Variants in TTC27 observed in about 807,000 individuals in gnomAD.
TTC27 encodes tetratricopeptide repeat domain 27, also known as tetratricopeptide repeat protein 27.
Under a neutral mutation model 115.9 loss-of-function variants are expected in TTC27, and 79 were observed. The observed-to-expected ratio is 0.68, with a 90% confidence interval of 0.57 to 0.82. The LOEUF is 0.82. TTC27 is among the 40% of genes least tolerant of loss of function. The pLI, the probability that TTC27 is intolerant of heterozygous loss-of-function variation, is 0.00. For missense variants in TTC27, 1,054 were observed against 993.1 expected (o/e 1.06, Z -0.82); for synonymous variants, 401 against 356.0 (o/e 1.13, Z -1.42).
intron 10 of TTC27, among the ~76,000 whole-genome samples, chr2:32,730,572 C>T (rs1668259258): frequency 6.6e-6 from 1 of 151,042 alleles, no homozygotes; most frequent in African/African-American, 2.4e-5. Context: ...TACTTTGGAT[C>T]CAGTAGAGGA....
In TTC27 at chr2:32,758,349, T is replaced by C. The variant is rs761638540; in HGVS notation, c.1510T>C (p.Leu504=). The change falls in exon 13 of 20, where the codon TTG becomes CTG. Residue 504 remains leucine, a synonymous_variant. Coordinates refer to ENST00000317907, the MANE Select transcript of TTC27 (RefSeq NM_017735.5). ...AAAAGAAACGCCTAGTTTATACTGC[T>C]TGCTTGGAGATGTCCTCGGAGACCA... ...EKKETPSLYC[L]LGDVLGDHSC... The C allele has an allele frequency of 1.4e-5, 22 of 1,614,130 alleles. No homozygotes were observed. The highest frequency in any genetic ancestry group is 1.6e-4 in the Middle Eastern group (1 of 6,084).
intron 8 of TTC27, 137 bp from the exon 9 acceptor site, chr2:32,678,719 G>A: frequency 1.7e-6 from 1 of 598,852 alleles, no homozygotes; most frequent in Non-Finnish European, 2.8e-6. Flanking sequence ...GAGCCACTGT[G>A]CCCGGCCCCC....
chr2:32,758,244 T>C (rs371405726), intron 12 of TTC27, 48 bp from the exon 13 acceptor site: 14 of 1,486,710 alleles, frequency 9.4e-6, no homozygotes, highest in Non-Finnish European at 1.3e-5. Context: ...AAAAAAAAAA[T>C]AGCAGTTAAT....
Position 32,701,376 on chromosome 2 carries a change from G to T in TTC27, c.1120-1431G>T, listed in dbSNP as rs139994715. Among the ~76,000 whole-genome samples, 1,402 of 152,236 alleles carry T rather than the reference G, an allele frequency of 9.2e-3. 9 individuals carry two copies. Among genetic ancestry groups the T allele is most frequent in the Admixed American group, 0.014 (216 of 15,298 alleles). ...CAGGAAGTAGTCATATCTTAATTTA[G>T]CTATTTAAATGAGCACAAGTTTATT... On this transcript the variant is annotated intron_variant, in intron 9 of 19. Coordinates refer to ENST00000317907, the MANE Select transcript of TTC27 (RefSeq NM_017735.5).
intron 6 of TTC27, among the ~76,000 whole-genome samples, chr2:32,665,825 A>T (rs531398256): frequency 6.6e-5 from 10 of 152,328 alleles, no homozygotes; most frequent in Non-Finnish European, 1.3e-4. Context: ...AGGGAGTCGG[A>T]GGTTGCAGTG....
chr2:32,723,438 G>C (rs866362827), intron 10 of TTC27, among the ~76,000 whole-genome samples: 2 of 152,166 alleles, frequency 1.3e-5, no homozygotes, highest in Middle Eastern at 3.4e-3. Flanking sequence ...GAGGTGGCCT[G>C]TTGTTCTTTA....
chr2:32,776,404 A>C (rs774064578), intron 13 of TTC27, among the ~76,000 whole-genome samples: 4 of 152,152 alleles, frequency 2.6e-5, no homozygotes, highest in Non-Finnish European at 4.4e-5. Flanking sequence ...GTGGATAGAG[A>C]ACAGAGTACC....
rs773610857 is a variant in TTC27, at chr2:32,650,270, C to G, written c.640+37C>G. Reference sequence around the variant, plus strand: ...ATTTTTGTTTGATATGGGCATGTAGCTCAGTTCTAATTACTTGGCTGAGAT... The same window carrying G: ...ATTTTTGTTTGATATGGGCATGTAGGTCAGTTCTAATTACTTGGCTGAGAT... On this transcript the variant is annotated intron_variant, in intron 5 of 19. Coordinates refer to ENST00000317907, the MANE Select transcript of TTC27 (RefSeq NM_017735.5). 5 of 1,521,940 alleles carry G rather than the reference C, an allele frequency of 3.3e-6. No individual in the cohort carries two copies. In the East Asian group the frequency reaches 9.0e-5, roughly 27 times the overall value. The allele number at this position is 1,521,940 out of a possible 1,614,324, so 94.3% of individuals were successfully genotyped here. A position where few individuals can be genotyped will look rare whatever the true frequency, so the allele number is the denominator to read the frequency against.
rs895522884 is a variant in TTC27, at chr2:32,702,983, C to T, written c.1233+63C>T. On this transcript the variant is annotated intron_variant, in intron 10 of 19. Coordinates refer to ENST00000317907, the MANE Select transcript of TTC27 (RefSeq NM_017735.5). ...CTCTCTATTGCTATCAGTAAGCATA[C>T]ATGTTTGCTATGAATGAAGGAATGA... The T allele has an allele frequency of 7.9e-6, 9 of 1,132,978 alleles. No homozygotes were observed. In the African/African-American group the frequency reaches 1.4e-4, roughly 17 times the overall value. The allele number at this position is 1,132,978 out of a possible 1,614,324, so 70.2% of individuals were successfully genotyped here.
At chr2:32,663,207 A>G (rs1472348432) in intron 5 of TTC27, among the ~76,000 whole-genome samples, 1 of 152,142 alleles carries the variant, frequency 6.6e-6, no homozygotes, top group East Asian at 1.9e-4. Context: ...CTGGTATTCC[A>G]GGAGCCATTG....
chr2:32,756,592 CTT>C (rs1345704562), intron 12 of TTC27, among the ~76,000 whole-genome samples: 2 of 152,158 alleles, frequency 1.3e-5, no homozygotes, highest in Admixed American at 1.3e-4. Flanking sequence ...GTATAGTCTT[CTT>C]TTAAAAGAGT....
At chr2:32,692,115 A>G (rs2151895549) in intron 9 of TTC27, among the ~76,000 whole-genome samples, 1 of 124,274 alleles carries the variant, frequency 8.0e-6, no homozygotes, top group Non-Finnish European at 1.6e-5. Flanking sequence ...TCCTGGGCTC[A>G]AGTGTTCTGC....
intron 10 of TTC27, among the ~76,000 whole-genome samples, chr2:32,712,635 G>A (rs1667619258): frequency 6.6e-6 from 1 of 151,634 alleles, no homozygotes; most frequent in East Asian, 1.9e-4. Flanking sequence ...TCTCGGGACT[G>A]CGATCTCCAC....
chr2:32,694,884 G>A (rs1666933054), intron 9 of TTC27, among the ~76,000 whole-genome samples: 1 of 151,406 alleles, frequency 6.6e-6, no homozygotes, highest in South Asian at 2.1e-4. Flanking sequence ...TTGCTGTGTT[G>A]CTTAGGCTGA....
At chr2:32,664,796 G>T (rs1665705133) in intron 6 of TTC27, among the ~76,000 whole-genome samples, 1 of 151,014 alleles carries the variant, frequency 6.6e-6, no homozygotes. Context: ...TCTCTGCATT[G>T]CCCTTTCTTG....
chr2:32,774,531 C>T (rs144708756), intron 13 of TTC27, among the ~76,000 whole-genome samples: 2 of 152,184 alleles, frequency 1.3e-5, no homozygotes, highest in East Asian at 3.9e-4. Flanking sequence ...TATGTGATAG[C>T]ACTGGACGAG....
intron 5 of TTC27, among the ~76,000 whole-genome samples, chr2:32,660,026 T>C (rs1665479011): frequency 6.6e-6 from 1 of 152,234 alleles, no homozygotes; most frequent in South Asian, 2.1e-4. Flanking sequence ...TTTGGGTGTA[T>C]ACCCAGTAAT....
chr2:32,720,264 G>A (rs1460024618), intron 10 of TTC27, among the ~76,000 whole-genome samples: 1 of 152,134 alleles, frequency 6.6e-6, no homozygotes, highest in African/African-American at 2.4e-5. Context: ...TAGAATGTGA[G>A]CTTCTTGAGG....
intron 4 of TTC27, 51 bp downstream of exon 4, chr2:32,640,461 T>A (rs1310348675): frequency 6.4e-7 from 1 of 1,565,148 alleles, no homozygotes; most frequent in Non-Finnish European, 8.7e-7. Flanking sequence ...TTTGTGCTTA[T>A]TAACACCAGG....
Sources: allele counts gnomAD v4.1 joint callset (sites outside exome capture counted in the v4.1 genomes callset), GRCh38; gene constraint gnomAD v4.1.1; transcripts MANE v1.5; gene names NCBI Gene and HGNC (gene_info 2026-07-23, HGNC 2026-07-21).